The following PIAS1 variants were observed in gnomAD, a reference collection of about 807,000 sequenced individuals.
PIAS1 encodes the protein E3 SUMO-protein ligase PIAS1.
A neutral mutation model predicts 71.3 loss-of-function variants in PIAS1; 6 were observed. The ratio of observed to expected loss-of-function variants is 0.08; its 90% CI spans 0.05 to 0.17. The LOEUF (loss-of-function observed/expected upper bound fraction) is 0.17. Among genes scored for constraint, PIAS1 ranks in the 10% least tolerant of loss-of-function variants. The pLI, the probability that PIAS1 is intolerant of heterozygous loss-of-function variation, is 1.00. For missense variants in PIAS1, 555 were observed against 793.6 expected, an observed-to-expected ratio of 0.70 and a Z score of 3.61; for synonymous variants, 303 against 292.9, an observed-to-expected ratio of 1.03 and a Z score of -0.35.
In PIAS1 at chr15:68,188,201, T is replaced by G. The variant is rs1327383078; in HGVS notation, c.*366T>G. 7.3e-5 allele frequency: 12 copies of G among 163,332 alleles called. No homozygotes were observed. Among genetic ancestry groups the G allele is most frequent in the Non-Finnish European group, 5.4e-5 (4 of 74,604 alleles). The allele number at this position is 163,332 out of a possible 1,614,324, so 10.1% of individuals were successfully genotyped here. A position where few individuals can be genotyped will look rare whatever the true frequency, so the allele number is the denominator to read the frequency against. On this transcript the variant is annotated 3_prime_UTR_variant, in exon 14 of 14. Coordinates refer to ENST00000249636, the MANE Select transcript of PIAS1 (RefSeq NM_016166.3). Reference sequence around the variant, plus strand: ...TTTTATTTGACTTCGATGGCATTATTTTATTTGCAATAACAGAAAAGGAAT... The same window carrying G: ...TTTTATTTGACTTCGATGGCATTATGTTATTTGCAATAACAGAAAAGGAAT...
intron 7 of PIAS1, among the ~76,000 whole-genome samples, chr15:68,162,193 G>A (rs2092928960): frequency 6.6e-6 from 1 of 151,996 alleles, no homozygotes; most frequent in Non-Finnish European, 1.5e-5. Context: ...CTATCCCTAG[G>A]TCCTATGCTC....
chr15:68,055,763 A>AT (rs760841842), intron 1 of PIAS1: 298 of 541,662 alleles, frequency 5.5e-4, no homozygotes, highest in Admixed American at 1.2e-3. Context: ...AAATTATTTA[A>AT]TTTTTTCCCC....
rs1457164247 is a variant in PIAS1 at position 68,134,623 on chromosome 15, C to CA, written c.470-7323_470-7322insA. Among the ~76,000 whole-genome samples, 6 of 592 alleles carry CA rather than the reference C, an allele frequency of 0.01. No homozygotes were observed. The East Asian group carries it at 0.42, about 41-fold the overall frequency. 0.4% of individuals were successfully genotyped at this position (592 alleles called of 152,430 possible). ...GGCGGCTGGCCGGGCGGGGGGCTAACCCCCCCCACCTCCCTCCCGGACGGG... is the reference window on the plus strand; with the variant it reads ...GGCGGCTGGCCGGGCGGGGGGCTAACACCCCCCCACCTCCCTCCCGGACGGG... On this transcript the variant is annotated intron_variant, in intron 2 of 13. Transcript: ENST00000249636.
At chr15:68,164,417 G>T (rs1156961751) in intron 7 of PIAS1, among the ~76,000 whole-genome samples, 1 of 151,996 alleles carries the variant, frequency 6.6e-6, no homozygotes, top group East Asian at 1.9e-4. Context: ...AGTTATAAAA[G>T]AAAAAGGGTC....
chr15:68,163,546 T>G (rs1311459644), intron 7 of PIAS1, among the ~76,000 whole-genome samples: 1 of 152,162 alleles, frequency 6.6e-6, no homozygotes, highest in African/African-American at 2.4e-5. Flanking sequence ...TTACTTGAGA[T>G]CCACTAATTT....
rs182239958 is a variant in PIAS1, at chr15:68,186,452, G to A, written c.1663-1090G>A. On this transcript the variant is annotated intron_variant, in intron 13 of 13. Transcript: ENST00000249636. This position sits in a 1 kb window ranked among gnomAD's most constrained non-coding sequence, Gnocchi z 4.4. Reference sequence around the variant, plus strand: ...GTGTTTTAAATTAAGTGTTACAAGAGTCAAAGTTTTAAAAAATCAGTTTAT... The same window carrying A: ...GTGTTTTAAATTAAGTGTTACAAGAATCAAAGTTTTAAAAAATCAGTTTAT... Among the ~76,000 whole-genome samples, 2 of 152,318 alleles carry A rather than the reference G, an allele frequency of 1.3e-5. No homozygotes were observed. Among genetic ancestry groups the A allele is most frequent in the African/African-American group, 4.8e-5 (2 of 41,564 alleles).
At position 68,185,665 on chromosome 15, in the gene PIAS1, T is replaced by G. The variant is rs2093082601; in HGVS notation, c.1663-1877T>G. 1.3e-5 allele frequency among the ~76,000 whole-genome samples: 2 copies of G among 152,050 alleles called. No individual in the cohort carries two copies. The highest frequency in any genetic ancestry group is 2.9e-5 in the Non-Finnish European group (2 of 67,990). ...GACCTCAACAAGCTCCTTAAAAAAT[T>G]TAAAAACATGGGCCCTGGCTGGGCG... is the stretch of plus-strand genomic sequence containing the variant. On this transcript the variant is annotated intron_variant, in intron 13 of 13. Coordinates refer to ENST00000249636, the MANE Select transcript of PIAS1 (RefSeq NM_016166.3). This position sits in a 1 kb window ranked among gnomAD's most constrained non-coding sequence, Gnocchi z 4.4.
chr15:68,066,887 T>C (rs2092034819), intron 1 of PIAS1, among the ~76,000 whole-genome samples: 2 of 152,224 alleles, frequency 1.3e-5, no homozygotes, highest in Non-Finnish European at 2.9e-5. Flanking sequence ...CACCTCTGAA[T>C]TTAGATAGTC....
intron 2 of PIAS1, among the ~76,000 whole-genome samples, chr15:68,108,701 C>T (rs2092494967): frequency 6.6e-6 from 1 of 152,132 alleles, no homozygotes; most frequent in Non-Finnish European, 1.5e-5. Context: ...CAGTATTCTC[C>T]CTTTTGGTTA....
intron 2 of PIAS1, among the ~76,000 whole-genome samples, chr15:68,116,355 G>C (rs1475370029): frequency 6.6e-6 from 1 of 152,014 alleles, no homozygotes; most frequent in East Asian, 1.9e-4. Context: ...TTCTTGCTGA[G>C]TTATAAGTTT....
chr15:68,097,837 T>C (rs2092389914), intron 2 of PIAS1, among the ~76,000 whole-genome samples: 1 of 152,228 alleles, frequency 6.6e-6, no homozygotes, highest in Non-Finnish European at 1.5e-5. Context: ...TTGCTTTTCA[T>C]ATATTAAACC....
intron 2 of PIAS1, among the ~76,000 whole-genome samples, chr15:68,104,227 C>T (rs1297044628): frequency 6.6e-6 from 1 of 152,106 alleles, no homozygotes; most frequent in East Asian, 1.9e-4. Flanking sequence ...ATTTAACTTA[C>T]TCTCATTTTA....
At chr15:68,088,516 A>G (rs2092306576) in intron 2 of PIAS1, among the ~76,000 whole-genome samples, 1 of 152,216 alleles carries the variant, frequency 6.6e-6, no homozygotes, top group East Asian at 1.9e-4. Flanking sequence ...AAAGTCACCA[A>G]ATGAATAGGT....
chr15:68,056,611 CTT>C (rs886849491), intron 1 of PIAS1, among the ~76,000 whole-genome samples: 2 of 151,446 alleles, frequency 1.3e-5, no homozygotes, highest in Non-Finnish European at 2.9e-5. Context: ...GTGTCTGAGA[CTT>C]TGAGGAGCTG....
At chr15:68,094,650 A>C (rs1348278018) in intron 2 of PIAS1, among the ~76,000 whole-genome samples, 1 of 152,176 alleles carries the variant, frequency 6.6e-6, no homozygotes, top group Admixed American at 6.5e-5. Context: ...CAGGTGATAC[A>C]AATTCAAGGA....
At chr15:68,177,840 T>C (rs1253955079) in intron 11 of PIAS1, among the ~76,000 whole-genome samples, 1 of 152,228 alleles carries the variant, frequency 6.6e-6, no homozygotes, top group Non-Finnish European at 1.5e-5. Flanking sequence ...GAAATAGATG[T>C]GTCCCTTTTT....
chr15:68,173,527 T>C lies in PIAS1; in HGVS notation c.1009-205T>C, dbSNP rs1206507361. On this transcript the variant is annotated intron_variant, in intron 8 of 13. Coordinates refer to ENST00000249636, the MANE Select transcript of PIAS1 (RefSeq NM_016166.3). This position sits in a 1 kb window ranked among gnomAD's most constrained non-coding sequence, Gnocchi z 4.3. The stretch of plus-strand genomic sequence containing the variant: ...TGTTGTAGACTTTCCATAGTCATTT[T>C]GTTTGATAGCCAAAGAAATACTGTC... Among the ~76,000 whole-genome samples, 1 of 152,232 alleles carries C rather than the reference T, an allele frequency of 6.6e-6. No individual in the cohort carries two copies. Among genetic ancestry groups the C allele is most frequent in the Non-Finnish European group, 1.5e-5 (1 of 68,038 alleles).
intron 1 of PIAS1, among the ~76,000 whole-genome samples, chr15:68,061,130 A>C (rs1173146592): frequency 6.6e-6 from 1 of 152,240 alleles, no homozygotes; most frequent in Non-Finnish European, 1.5e-5. Flanking sequence ...TGTAGAAGGA[A>C]CTTGAAATTG....
chr15:68,120,748 G>A (rs1477529628), intron 2 of PIAS1, among the ~76,000 whole-genome samples: 2 of 151,998 alleles, frequency 1.3e-5, no homozygotes, highest in Non-Finnish European at 2.9e-5. Context: ...TCCACCTCCC[G>A]AATTCAAGTG....
Sources: allele counts gnomAD v4.1 joint callset (sites outside exome capture counted in the v4.1 genomes callset), GRCh38; gene constraint gnomAD v4.1.1; non-coding constraint Gnocchi (gnomAD v3.1); transcripts MANE v1.5; gene names NCBI Gene and HGNC (gene_info 2026-07-23, HGNC 2026-07-21).